ADAMTS12: variants seen among roughly 807,000 people sequenced by gnomAD.
ADAMTS12 encodes the protein ADAM metallopeptidase with thrombospondin type 1 motif 12.
In ADAMTS12, 118 loss-of-function variants were observed where a neutral mutation model predicts 167.8. The ratio of observed to expected loss-of-function variants is 0.70; its 90% confidence interval spans 0.61 to 0.82. ADAMTS12 has a LOEUF of 0.82. Among genes scored for constraint, ADAMTS12 ranks in the 40% least tolerant of loss-of-function variants. The probability of loss-of-function intolerance (pLI) is 0.00; values close to 1 mark genes in which losing one functional copy is unlikely to be tolerated. For missense variants in ADAMTS12, 1,916 were observed against 1,998.8 expected (o/e 0.96, Z 0.79); for synonymous variants, 704 against 716.9 (o/e 0.98, Z 0.29).
chr5:33,802,224 T>G (rs1469142460), intron 2 of ADAMTS12, among the ~76,000 whole-genome samples: 1 of 152,214 alleles, frequency 6.6e-6, no homozygotes, highest in Non-Finnish European at 1.5e-5. Context: ...CATATAGTAT[T>G]TTGTTATAGC....
chr5:33,555,668 A>G (rs955119621), intron 20 of ADAMTS12, among the ~76,000 whole-genome samples: 7 of 152,230 alleles, frequency 4.6e-5, no homozygotes, highest in African/African-American at 1.7e-4. Flanking sequence ...ATAATCCCCC[A>G]GGTGACGGTT....
intron 2 of ADAMTS12, among the ~76,000 whole-genome samples, chr5:33,827,399 T>A (rs1748120227): frequency 1.3e-5 from 2 of 151,952 alleles, no homozygotes; most frequent in Admixed American, 6.6e-5. Context: ...CTCCCCACAG[T>A]CTCTAGAGAA....
chr5:33,825,051 T>C (rs1237445460), intron 2 of ADAMTS12, among the ~76,000 whole-genome samples: 1 of 152,188 alleles, frequency 6.6e-6, no homozygotes, highest in Non-Finnish European at 1.5e-5. Flanking sequence ...TAAAATTTGA[T>C]ATTAGCCACT....
intron 22 of ADAMTS12, among the ~76,000 whole-genome samples, chr5:33,535,755 T>A (rs1275238817): frequency 6.6e-6 from 1 of 151,896 alleles, no homozygotes; most frequent in Non-Finnish European, 1.5e-5. Flanking sequence ...GGGCTGGGGA[T>A]TGGATGTGAG....
chr5:33,750,865 G>A (rs2112389646), intron 3 of ADAMTS12, among the ~76,000 whole-genome samples: 1 of 152,288 alleles, frequency 6.6e-6, no homozygotes, highest in Middle Eastern at 3.4e-3. Flanking sequence ...ACACTGTGTA[G>A]CCAAAAGAGG....
intron 2 of ADAMTS12, among the ~76,000 whole-genome samples, chr5:33,805,127 T>G (rs910721655): frequency 2.0e-5 from 3 of 152,162 alleles, no homozygotes; most frequent in African/African-American, 7.2e-5. Context: ...ATTCTAAGAT[T>G]GATCAAGCTA....
chr5:33,614,573 A>G (rs113941273), intron 15 of ADAMTS12, among the ~76,000 whole-genome samples, 197 bp from the exon 16 acceptor site: 28 of 152,332 alleles, frequency 1.8e-4, no homozygotes, highest in African/African-American at 6.5e-4. Flanking sequence ...ATATCTATAT[A>G]TCTACATCTA....
intron 5 of ADAMTS12, among the ~76,000 whole-genome samples, chr5:33,682,217 C>T (rs975941021): frequency 6.6e-6 from 1 of 152,188 alleles, no homozygotes; most frequent in Non-Finnish European, 1.5e-5. Context: ...AAGAATATCT[C>T]CTGGGCTTAT....
chr5:33,657,873 T>C (rs1299048495), intron 7 of ADAMTS12, among the ~76,000 whole-genome samples: 3 of 152,136 alleles, frequency 2.0e-5, no homozygotes, highest in African/African-American at 7.2e-5. Context: ...GGGTTATTCC[T>C]CAATTAAACA....
At chr5:33,619,555 C>T (rs1197923085) in intron 14 of ADAMTS12, among the ~76,000 whole-genome samples, 1 of 152,146 alleles carries the variant, frequency 6.6e-6, no homozygotes, top group African/African-American at 2.4e-5. Flanking sequence ...AAAACCAAAC[C>T]TCTTTCAAAA....
intron 3 of ADAMTS12, among the ~76,000 whole-genome samples, chr5:33,745,654 G>T (rs1018846272): frequency 5.5e-4 from 83 of 152,226 alleles, no homozygotes; most frequent in African/African-American, 2.0e-3. Context: ...GACACCTGAA[G>T]TGATGAAGGA....
At chr5:33,752,488 T>C (rs1678772763) in intron 2 of ADAMTS12, among the ~76,000 whole-genome samples, 1 of 152,232 alleles carries the variant, frequency 6.6e-6, no homozygotes, top group African/African-American at 2.4e-5. Flanking sequence ...GCTGAGTTTT[T>C]AATTTCTCAG....
chr5:33,763,445 G>C (rs1461676964), intron 2 of ADAMTS12, among the ~76,000 whole-genome samples: 2 of 152,190 alleles, frequency 1.3e-5, no homozygotes, highest in African/African-American at 2.4e-5. Context: ...TCTCCAAAAG[G>C]AAGGTAGCCA....
chr5:33,586,027 G>A (rs148734356), intron 18 of ADAMTS12, among the ~76,000 whole-genome samples: 1 of 152,282 alleles, frequency 6.6e-6, no homozygotes, highest in East Asian at 1.9e-4. Flanking sequence ...GTCAGTTCTT[G>A]GGCCTTTTGG....
intron 17 of ADAMTS12, among the ~76,000 whole-genome samples, chr5:33,593,329 G>A (rs1310191383): frequency 1.3e-5 from 2 of 152,146 alleles, no homozygotes; most frequent in Non-Finnish European, 2.9e-5. Flanking sequence ...GAGATCCTAG[G>A]CAGCAGCATG....
At chr5:33,701,868 C>T (rs1743019265) in intron 3 of ADAMTS12, among the ~76,000 whole-genome samples, 1 of 152,202 alleles carries the variant, frequency 6.6e-6, no homozygotes, top group Non-Finnish European at 1.5e-5. Flanking sequence ...CTGCCTTAAG[C>T]TGTTTGAAAT....
intron 17 of ADAMTS12, among the ~76,000 whole-genome samples, chr5:33,593,047 C>T (rs557094488): frequency 3.9e-5 from 6 of 152,146 alleles, no homozygotes; most frequent in African/African-American, 7.2e-5. Flanking sequence ...GAGGCTAAGG[C>T]GGGTGGATCA....
chr5:33,751,574 T>C (rs1454024420), intron 2 of ADAMTS12, 26 bp from the exon 3 acceptor site: 3 of 1,609,918 alleles, frequency 1.9e-6, no homozygotes, highest in Middle Eastern at 1.7e-4. Context: ...GTAAGAAAGT[T>C]TATTTTAACC....
chr5:33,569,500 C>T (rs753614984), intron 19 of ADAMTS12, among the ~76,000 whole-genome samples: 1 of 152,196 alleles, frequency 6.6e-6, no homozygotes, highest in Admixed American at 6.5e-5. Flanking sequence ...TGGAGTGGAC[C>T]TCTAGCAAGC....
Sources: gnomAD v4.1 joint callset for allele counts (sites outside exome capture counted in the v4.1 genomes callset) on GRCh38, gnomAD v4.1.1 for gene constraint, MANE v1.5 for transcripts, NCBI Gene and HGNC (gene_info 2026-07-23, HGNC 2026-07-21) for gene names.